The following NFATC3 variants were observed in gnomAD, a reference collection of about 807,000 sequenced individuals.
NFATC3 encodes nuclear factor of activated T-cells, cytoplasmic 3.
In NFATC3, 46 loss-of-function variants were observed where a neutral mutation model predicts 98.6. That is an observed-to-expected ratio of 0.47 (90% confidence interval 0.37 to 0.60). The LOEUF (loss-of-function observed/expected upper bound fraction) is 0.60, where lower values mean the gene tolerates loss of function less well. Among genes scored for constraint, NFATC3 ranks in the 20% least tolerant of loss-of-function variants. NFATC3 has a pLI of 0.00. For missense variants in NFATC3, 1,256 were observed against 1,295.5 expected (o/e 0.97, Z 0.47); for synonymous variants, 512 against 472.2 (o/e 1.08, Z -1.09).
At chr16:68,153,873 A>G (rs2038473023) in intron 3 of NFATC3, among the ~76,000 whole-genome samples, 1 of 93,668 alleles carries the variant, frequency 1.1e-5, no homozygotes. Context: ...TTGGCCTCCC[A>G]AAGTGCTTGG....
chr16:68,165,392 CTTTTTTTT>C (rs869025719), intron 4 of NFATC3, among the ~76,000 whole-genome samples: 1 of 104,404 alleles, frequency 9.6e-6, no homozygotes, highest in Non-Finnish European at 2.0e-5. Context: ...TTTTCTTTTT[CTTTTTTTT>C]TTTTTTTTTT....
intron 1 of NFATC3, among the ~76,000 whole-genome samples, chr16:68,120,098 C>T (rs1369161796): frequency 7.0e-6 from 1 of 143,358 alleles, no homozygotes; most frequent in African/African-American, 2.6e-5. Context: ...GGCAACAAAA[C>T]GAGACCCTGT....
intron 8 of NFATC3, among the ~76,000 whole-genome samples, chr16:68,190,345 C>G (rs972440384): frequency 1.3e-5 from 2 of 152,060 alleles, no homozygotes; most frequent in Non-Finnish European, 2.9e-5. Flanking sequence ...CAGGGATCCC[C>G]AAGTCAATAC....
intron 1 of NFATC3, among the ~76,000 whole-genome samples, chr16:68,090,616 T>TTAAAGAAAGTGGAAAAATA (rs2034660278): frequency 2.6e-5 from 4 of 152,210 alleles, no homozygotes; most frequent in Non-Finnish European, 5.9e-5. Flanking sequence ...TAATACACTT[T>TTAAAGAAAGTGGAAAAATA]TAATTATATT....
chr16:68,143,846 C>T (rs1224980822), intron 3 of NFATC3, among the ~76,000 whole-genome samples: 3 of 151,918 alleles, frequency 2.0e-5, no homozygotes, highest in Non-Finnish European at 4.4e-5. Context: ...AGCGAGACTC[C>T]ATCTCAAAAA....
intron 3 of NFATC3, among the ~76,000 whole-genome samples, chr16:68,155,462 A>T (rs548983155): frequency 4.6e-5 from 7 of 152,322 alleles, no homozygotes; most frequent in African/African-American, 1.7e-4. Flanking sequence ...AATAAAGAGC[A>T]AGACTGAAGA....
intron 1 of NFATC3, among the ~76,000 whole-genome samples, chr16:68,106,162 A>T (rs2035643295): frequency 6.6e-6 from 1 of 151,970 alleles, no homozygotes. Flanking sequence ...GAGCCGCCGC[A>T]CCCGATCCTG....
rs3743736 is a variant in NFATC3, at chr16:68,122,164, A to C, written c.281A>C (p.Glu94Ala). The change falls in exon 2 of 10, where the codon GAA (glutamate) becomes GCA (alanine). Residue 94 changes from glutamate (E) to alanine (A), a missense_variant. Transcript: ENST00000346183. ...KNYEGTCEIP[E>A]SKYSPLGGPK... The stretch of plus-strand genomic sequence containing the variant: ...TATGAAGGAACTTGTGAGATTCCTG[A>C]ATCTAAATATAGCCCATTAGGTGGT... The C allele has an allele frequency of 3.9e-4, 622 of 1,614,144 alleles. 4 individuals are homozygous for C. In the East Asian group the frequency reaches 0.013, roughly 35 times the overall value.
intron 1 of NFATC3, among the ~76,000 whole-genome samples, chr16:68,119,084 G>A (rs1004840861): frequency 3.9e-5 from 6 of 152,066 alleles, no homozygotes; most frequent in African/African-American, 7.2e-5. Flanking sequence ...AGCCAGCATG[G>A]TCGTGATCTC....
At chr16:68,156,111 G>C (rs2038600544) in intron 3 of NFATC3, among the ~76,000 whole-genome samples, 1 of 152,068 alleles carries the variant, frequency 6.6e-6, no homozygotes, top group African/African-American at 2.4e-5. Flanking sequence ...AGGAGTTTGA[G>C]ACCAGCCTGG....
At chr16:68,136,974 G>A (rs1217934277) in intron 3 of NFATC3, among the ~76,000 whole-genome samples, 3 of 152,192 alleles carry the variant, frequency 2.0e-5, no homozygotes, top group Admixed American at 6.5e-5. Context: ...AGGACTGGAA[G>A]TTGCTCTGGG....
intron 9 of NFATC3, among the ~76,000 whole-genome samples, chr16:68,219,776 G>A (rs910712532): frequency 5.3e-5 from 8 of 152,252 alleles, no homozygotes; most frequent in East Asian, 3.9e-4. Context: ...AGAAAGGCCC[G>A]TTGGGATTTT....
At chr16:68,221,438 T>C (rs2041861124) in intron 9 of NFATC3, 1 of 1,407,054 alleles carries the variant, frequency 7.1e-7, no homozygotes, top group Non-Finnish European at 9.3e-7. Flanking sequence ...AAATTTATAT[T>C]CAGTGCTCAC....
intron 1 of NFATC3, among the ~76,000 whole-genome samples, chr16:68,120,792 A>G (rs1408159634): frequency 6.6e-6 from 1 of 152,046 alleles, no homozygotes. Flanking sequence ...ACCTTTGACT[A>G]CTTGTTATGT....
chr16:68,139,724 C>A (rs576332437), intron 3 of NFATC3, among the ~76,000 whole-genome samples: 18 of 152,294 alleles, frequency 1.2e-4, no homozygotes, highest in Middle Eastern at 6.8e-3. Context: ...TTATCTGATT[C>A]ATTAATGTGG....
intron 3 of NFATC3, among the ~76,000 whole-genome samples, chr16:68,149,589 GA>G (rs2038211103): frequency 6.6e-6 from 1 of 152,084 alleles, no homozygotes; most frequent in Non-Finnish European, 1.5e-5. Context: ...ATCTAACCTT[GA>G]AAAACATTAG....
chr16:68,221,765 A>G (rs1187671054), intron 9 of NFATC3: 1 of 254,992 alleles, frequency 3.9e-6, no homozygotes, highest in Non-Finnish European at 6.2e-6. Context: ...AGGTTCCTTC[A>G]GCTAAGTAAG....
intron 1 of NFATC3, among the ~76,000 whole-genome samples, chr16:68,119,778 G>T (rs1293448580): frequency 6.6e-6 from 1 of 151,948 alleles, no homozygotes; most frequent in Non-Finnish European, 1.5e-5. Flanking sequence ...TATTTTACTA[G>T]AATGTAAGCT....
intron 2 of NFATC3, among the ~76,000 whole-genome samples, chr16:68,125,482 A>G (rs2036786077): frequency 6.6e-6 from 1 of 152,220 alleles, no homozygotes; most frequent in Admixed American, 6.5e-5. Flanking sequence ...ATGTACCAAA[A>G]TTAAATTTTT....
Sources: allele counts gnomAD v4.1 joint callset (sites outside exome capture counted in the v4.1 genomes callset), GRCh38; gene constraint gnomAD v4.1.1; transcripts MANE v1.5; gene names NCBI Gene and HGNC (gene_info 2026-07-23, HGNC 2026-07-21).